EPHA4: variants seen among roughly 807,000 people sequenced by gnomAD.
EPHA4 encodes EPH receptor A4.
Under a neutral mutation model 108.3 loss-of-function variants are expected in EPHA4, and 19 were observed. The ratio of observed to expected loss-of-function variants is 0.18; its 90% CI spans 0.12 to 0.26. The LOEUF is 0.26. Ranked by LOEUF, EPHA4 falls within the 10% of genes least tolerant of loss-of-function variation. The pLI, the probability that EPHA4 is intolerant of heterozygous loss-of-function variation, is 1.00. For synonymous variants in EPHA4, 449 were observed against 455.5 expected, an observed-to-expected ratio of 0.99 and a Z score of 0.18; for missense variants, 917 against 1,254.0, an observed-to-expected ratio of 0.73 and a Z score of 4.06.
intron 3 of EPHA4, among the ~76,000 whole-genome samples, chr2:221,547,790 T>C (rs890260017): frequency 1.3e-5 from 2 of 152,190 alleles, no homozygotes; most frequent in Non-Finnish European, 2.9e-5. Flanking sequence ...TCAAGCAGTA[T>C]ACATGGCCAA....
At chr2:221,475,067 T>A (rs2106134404) in intron 5 of EPHA4, among the ~76,000 whole-genome samples, 1 of 152,236 alleles carries the variant, frequency 6.6e-6, no homozygotes, top group Middle Eastern at 3.4e-3. Context: ...GATGGGTTTT[T>A]GCCATGTTGG....
chr2:221,550,031 T>C (rs1048579613), intron 3 of EPHA4, among the ~76,000 whole-genome samples: 2 of 152,138 alleles, frequency 1.3e-5, no homozygotes, highest in African/African-American at 2.4e-5. Context: ...GAAATTTCAA[T>C]AATGTAATTA....
intron 3 of EPHA4, among the ~76,000 whole-genome samples, chr2:221,509,565 A>T (rs980899616): frequency 1.3e-5 from 2 of 152,222 alleles, no homozygotes; most frequent in East Asian, 1.9e-4. Context: ...ATATTATTTT[A>T]AAATGGCTGT....
In EPHA4 at chr2:221,481,610, C is replaced by T. The variant is rs181619409; in HGVS notation, c.1318+742G>A. 3.2e-3 allele frequency among the ~76,000 whole-genome samples: 482 copies of T among 152,100 alleles called. 1 individual carries two copies. The highest frequency in any genetic ancestry group is 0.011 in the African/African-American group (441 of 41,504). The stretch of plus-strand genomic sequence containing the variant: ...TGGAGGTTGCAGTGAGCCGAGATCA[C>T]GCCACTGCATTCCAGCTTGGGCGAC... On this transcript the variant is annotated intron_variant, in intron 5 of 17. Coordinates refer to ENST00000281821, the MANE Select transcript of EPHA4 (RefSeq NM_004438.5).
intron 3 of EPHA4, among the ~76,000 whole-genome samples, chr2:221,521,990 C>A (rs1693179374): frequency 6.7e-6 from 1 of 150,304 alleles, no homozygotes; most frequent in Non-Finnish European, 1.5e-5. Context: ...AAATTAAAAA[C>A]AAACAAACAA....
intron 17 of EPHA4, among the ~76,000 whole-genome samples, chr2:221,424,852 G>T (rs1227248760): frequency 2.0e-5 from 3 of 152,302 alleles, no homozygotes; most frequent in Admixed American, 1.3e-4. Context: ...CTTGCTGCCT[G>T]GTGCCCAGAA....
At chr2:221,447,573 G>A (rs1006790019) in intron 8 of EPHA4, among the ~76,000 whole-genome samples, 1 of 152,134 alleles carries the variant, frequency 6.6e-6, no homozygotes, top group African/African-American at 2.4e-5. Flanking sequence ...GACCCTCAGA[G>A]CCTACAGATG....
At chr2:221,560,494 G>A (rs1694430218) in intron 3 of EPHA4, among the ~76,000 whole-genome samples, 1 of 152,112 alleles carries the variant, frequency 6.6e-6, no homozygotes, top group African/African-American at 2.4e-5. Context: ...ATTTGTTAGG[G>A]CAAAGGAGAG....
chr2:221,568,759 G>A lies in EPHA4; in HGVS notation c.118C>T (p.Gln40Ter), dbSNP rs771415392. Residue 40 changes from glutamine (Q) to a stop codon, truncating the protein, a stop_gained, in exon 2 of 18, where the codon CAG becomes TAG. Transcript: ENST00000281821. LOFTEE classifies it high-confidence loss of function. ...EVTLLDSRSV[Q>*]GELGWIASPL... ...CTTGCTATCCACCCAAGTTCTCCCT[G>A]AACAGATCTGGAATCCAATAAGGTA... 6.2e-7 allele frequency: 1 copy of A among 1,613,576 alleles called. No homozygotes were observed. The highest frequency in any genetic ancestry group is 8.5e-7 in the Non-Finnish European group (1 of 1,179,808).
intron 3 of EPHA4, among the ~76,000 whole-genome samples, chr2:221,501,641 A>C (rs1692492436): frequency 6.6e-6 from 1 of 152,172 alleles, no homozygotes; most frequent in Non-Finnish European, 1.5e-5. Flanking sequence ...TCTGCCCTCA[A>C]AGCCTGTATG....
At chr2:221,543,124 T>C (rs1011937690) in intron 3 of EPHA4, among the ~76,000 whole-genome samples, 3 of 152,194 alleles carry the variant, frequency 2.0e-5, no homozygotes, top group Non-Finnish European at 2.9e-5. Flanking sequence ...ATTTTTCAAC[T>C]TGGCAATTAT....
At chr2:221,471,507 A>G (rs1454629244) in intron 5 of EPHA4, among the ~76,000 whole-genome samples, 1 of 152,176 alleles carries the variant, frequency 6.6e-6, no homozygotes, top group African/African-American at 2.4e-5. Flanking sequence ...AAGTTAATGG[A>G]AATTATTTTT....
Position 221,425,620 on chromosome 2 carries a change from A to G in EPHA4, c.*408T>C. On this transcript the variant is annotated 3_prime_UTR_variant, in exon 17 of 18. Coordinates refer to ENST00000281821, the MANE Select transcript of EPHA4 (RefSeq NM_004438.5). ...CATGGTCTTCATTCCAGTGAAAGAC[A>G]GATGACTGTAATTTATGCCACAAAC... 1 of 167,200 alleles carries G rather than the reference A, an allele frequency of 6.0e-6. No homozygotes were observed. The allele number at this position is 167,200 out of a possible 1,614,324, so 10.4% of individuals were successfully genotyped here. A position where few individuals can be genotyped will look rare whatever the true frequency, so the allele number is the denominator to read the frequency against.
intron 3 of EPHA4, among the ~76,000 whole-genome samples, chr2:221,540,975 C>A (rs867113612): frequency 3.0e-5 from 4 of 131,238 alleles, no homozygotes; most frequent in Non-Finnish European, 6.2e-5. Context: ...GGGAGAGAGT[C>A]TTACTCTGTC....
At chr2:221,562,167 C>T (rs1363732686) in intron 3 of EPHA4, among the ~76,000 whole-genome samples, 1 of 151,256 alleles carries the variant, frequency 6.6e-6, no homozygotes, top group African/African-American at 2.4e-5. Flanking sequence ...TTTAAAAATC[C>T]TTAAATTCCA....
At chr2:221,475,130 C>T (rs565849544) in intron 5 of EPHA4, among the ~76,000 whole-genome samples, 129 of 152,228 alleles carry the variant, frequency 8.5e-4, no homozygotes, top group African/African-American at 3.0e-3. Context: ...CCTAGCCTCC[C>T]AAAGTACTGG....
rs375638748 is a variant in EPHA4 at position 221,457,852 on chromosome 2, C to G, written c.1443+14G>C. ...AGGAAGAAAGGAAAGGAGTGTTGTT[C>G]ACTCAAGTAATACCTTCTCATAATA... On this transcript the variant is annotated intron_variant, in intron 6 of 17. Transcript: ENST00000281821. 2.5e-6 allele frequency: 4 copies of G among 1,611,286 alleles called. No homozygotes were observed. Among genetic ancestry groups the G allele is most frequent in the Non-Finnish European group, 3.4e-6 (4 of 1,178,656 alleles).
At chr2:221,437,757 C>CAAAAAAAAAAAAAAA (rs538233784) in intron 11 of EPHA4, among the ~76,000 whole-genome samples, 2 of 125,854 alleles carry the variant, frequency 1.6e-5, no homozygotes, top group Non-Finnish European at 3.4e-5. Context: ...ACTAAAAATA[C>CAAAAAAAAAAAAAAA]AAAAAAAAAA....
intron 6 of EPHA4, among the ~76,000 whole-genome samples, chr2:221,457,237 AAAG>A (rs1166708270): frequency 3.3e-5 from 5 of 152,232 alleles, no homozygotes; most frequent in South Asian, 4.1e-4. Context: ...TTAAAAAGAA[AAAG>A]AAGACAACTG....
Sources: gnomAD v4.1 joint callset for allele counts (sites outside exome capture counted in the v4.1 genomes callset) on GRCh38, gnomAD v4.1.1 for gene constraint, MANE v1.5 for transcripts, NCBI Gene and HGNC (gene_info 2026-07-23, HGNC 2026-07-21) for gene names.